CLCN4: variants seen among roughly 807,000 people sequenced by gnomAD.
CLCN4 encodes H(+)/Cl(-) exchange transporter 4.
CLCN4 carries 1 observed loss-of-function variant against 41.7 expected under a neutral mutation model. That is an observed-to-expected ratio of 0.02 (90% CI 0.01 to 0.11). The LOEUF (loss-of-function observed/expected upper bound fraction) is 0.11. Among genes scored for constraint, CLCN4 ranks in the 10% least tolerant of loss-of-function variants. CLCN4 has a pLI of 1.00. For missense variants in CLCN4, 287 were observed against 661.0 expected (o/e 0.43, Z 6.20); for synonymous variants, 277 against 285.8 (o/e 0.97, Z 0.31).
intron 12 of CLCN4, among the ~76,000 whole-genome samples, chrX:10,230,863 A>G (rs1047054679): frequency 4.5e-5 from 5 of 112,024 alleles, no homozygotes; most frequent in Non-Finnish European, 7.5e-5. Context: ...ACTAACATCC[A>G]TAGTTTACTT....
chrX:10,167,750 C>A (rs764088279), intron 2 of CLCN4, among the ~76,000 whole-genome samples: 1 of 113,011 alleles, frequency 8.8e-6, no homozygotes, highest in Admixed American at 9.3e-5. Flanking sequence ...CTGACCACAA[C>A]CTCCTGAGAG....
Position 10,193,330 on chromosome X carries a change from A to G in CLCN4, c.245-1581A>G, listed in dbSNP as rs995578073. On this transcript the variant is annotated intron_variant, in intron 4 of 12. Coordinates refer to ENST00000380833, the MANE Select transcript of CLCN4 (RefSeq NM_001830.4). Reference sequence around the variant, plus strand: ...GTGGGCTCTATGTGCTTGGAAAAGCATAGCTTGAGATGTACATTTATACCT... The same window carrying G: ...GTGGGCTCTATGTGCTTGGAAAAGCGTAGCTTGAGATGTACATTTATACCT... Among the ~76,000 whole-genome samples the G allele has an allele frequency of 3.6e-5, 4 of 112,583 alleles. No individual in the cohort carries two copies. The Admixed American group carries it at 3.8e-4, about 11-fold the overall frequency.
At chrX:10,229,903 T>C (rs1925084594) in intron 12 of CLCN4, among the ~76,000 whole-genome samples, 1 of 112,286 alleles carries the variant, frequency 8.9e-6, no homozygotes, top group East Asian at 2.8e-4. Flanking sequence ...CCTTTGGGTA[T>C]GGAACACATG....
intron 4 of CLCN4, 128 bp from the exon 5 acceptor site, chrX:10,194,783 C>A: frequency 1.7e-6 from 1 of 595,505 alleles, no homozygotes; most frequent in Non-Finnish European, 2.7e-6. Flanking sequence ...AGCCCCATTG[C>A]AAGTTTATTG....
intron 2 of CLCN4, among the ~76,000 whole-genome samples, chrX:10,163,625 C>T (rs1313186831): frequency 3.6e-5 from 4 of 111,148 alleles, no homozygotes; most frequent in African/African-American, 9.8e-5. Context: ...AGGCTGGTCT[C>T]GAACTCCTGA....
At chrX:10,161,600 G>A (rs1220476228) in intron 2 of CLCN4, among the ~76,000 whole-genome samples, 2 of 111,559 alleles carry the variant, frequency 1.8e-5, no homozygotes, top group Non-Finnish European at 3.8e-5. Context: ...CTGGCTATTA[G>A]GTGACACTAG....
rs771176686 is a variant in CLCN4 at position 10,194,816 on chromosome X, C to G, written c.245-95C>G. 2.3e-5 allele frequency: 19 copies of G among 828,827 alleles called. No homozygotes were observed. In the African/African-American group the frequency reaches 3.6e-4, roughly 16 times the overall value. The allele number at this position is 828,827 out of a possible 1,213,427, so 68.3% of individuals were successfully genotyped here. A position where few individuals can be genotyped will look rare whatever the true frequency, so the allele number is the denominator to read the frequency against. On this transcript the variant is annotated intron_variant, in intron 4 of 12. Coordinates refer to ENST00000380833, the MANE Select transcript of CLCN4 (RefSeq NM_001830.4). ...TTGCCTGCTCTGGAATCTGGGCCATCATTGCTGATGTGCCCCTGTCTGGCC... is the reference window on the plus strand; with the variant it reads ...TTGCCTGCTCTGGAATCTGGGCCATGATTGCTGATGTGCCCCTGTCTGGCC...
intron 12 of CLCN4, among the ~76,000 whole-genome samples, chrX:10,230,858 C>T (rs1569235354): frequency 8.9e-6 from 1 of 111,974 alleles, no homozygotes; most frequent in East Asian, 2.8e-4. Flanking sequence ...TATTAACTAA[C>T]ATCCATAGTT....
chrX:10,162,013 C>CT (rs34007951), intron 2 of CLCN4, among the ~76,000 whole-genome samples: 946 of 61,508 alleles, frequency 0.015, 22 homozygotes, highest in African/African-American at 0.027. Context: ...CCAGTTGAGT[C>CT]TTTTTTTTTT....
chrX:10,227,544 C>T (rs1374121716), intron 12 of CLCN4, among the ~76,000 whole-genome samples: 2 of 111,766 alleles, frequency 1.8e-5, no homozygotes, highest in African/African-American at 6.5e-5. Context: ...GTACAATTCA[C>T]CCATTTAAAA....
intron 2 of CLCN4, among the ~76,000 whole-genome samples, chrX:10,182,076 A>G: frequency 1.8e-5 from 2 of 111,169 alleles, no homozygotes; most frequent in South Asian, 7.6e-4. Flanking sequence ...TGTAGGAGAG[A>G]TGTTCTCTTG....
In CLCN4 at chrX:10,217,899, G is replaced by C. The variant is rs747649904; in HGVS notation, c.1976-2762G>C. ...ATGGGACTACAGGCGCATGCCACCA[G>C]GCGTGGCTAATTTTTGTATTTTTAG... On this transcript the variant is annotated intron_variant, in intron 11 of 12. Transcript: ENST00000380833. Among the ~76,000 whole-genome samples the C allele has an allele frequency of 1.4e-4, 15 of 110,720 alleles. No homozygotes were observed. In the East Asian group the frequency reaches 4.3e-3, roughly 31 times the overall value.
chrX:10,232,891 ATG>A (rs1925160097), intron 12 of CLCN4, among the ~76,000 whole-genome samples: 2 of 111,523 alleles, frequency 1.8e-5, no homozygotes, highest in Non-Finnish European at 3.8e-5. Flanking sequence ...TCAGAGATAA[ATG>A]TCAACTTTAT....
At chrX:10,221,294 G>A (rs1349906027) in intron 12 of CLCN4, among the ~76,000 whole-genome samples, 2 of 111,483 alleles carry the variant, frequency 1.8e-5, no homozygotes, top group African/African-American at 6.5e-5. Flanking sequence ...GGAAAAATGG[G>A]GTTAGGTACA....
rs907577168 is a variant in CLCN4 at position 10,208,175 on chromosome X, C to T, written c.974C>T (p.Thr325Met). 3 of 1,211,392 alleles carry T rather than the reference C, an allele frequency of 2.5e-6. No individual in the cohort carries two copies. Among genetic ancestry groups the T allele is most frequent in the Non-Finnish European group, 3.4e-6 (3 of 895,372 alleles). Reference sequence around the variant, plus strand: ...GTTCTCTTTTATGTGGAATACCACACGCCCTGGTACATGGCTGAACTCTTC... The same window carrying T: ...GTTCTCTTTTATGTGGAATACCACATGCCCTGGTACATGGCTGAACTCTTC... ...RLVLFYVEYH[T>M]PWYMAELFPF... Residue 325 changes from threonine (T) to methionine (M), a missense_variant, in exon 9 of 13, where the codon ACG (threonine) becomes ATG (methionine). By Grantham distance (81) the Thr-to-Met change is moderately conservative. This residue lies in a region of CLCN4 where 94 missense variants were observed against 177.9 expected (regional missense o/e 0.53). Transcript: ENST00000380833.
At chrX:10,191,597 C>T (rs1048816024) in intron 4 of CLCN4, among the ~76,000 whole-genome samples, 2 of 109,990 alleles carry the variant, frequency 1.8e-5, no homozygotes, top group Non-Finnish European at 3.8e-5. Flanking sequence ...GGTTCTGGCG[C>T]GATCATGGTT....
Position 10,197,484 on chromosome X carries a change from G to A in CLCN4, c.433-455G>A, listed in dbSNP as rs745600411. ...CAGCAGTATTCTAAAATACAGGCCC[G>A]ACCCGTATTCATTGGCAGTGCGGGT... On this transcript the variant is annotated intron_variant, in intron 5 of 12. Coordinates refer to ENST00000380833, the MANE Select transcript of CLCN4 (RefSeq NM_001830.4). Among the ~76,000 whole-genome samples the A allele has an allele frequency of 3.6e-5, 4 of 111,099 alleles. No homozygotes were observed. In the East Asian group the frequency reaches 8.5e-4, roughly 24 times the overall value.
chrX:10,223,924 C>T (rs1039051922), intron 12 of CLCN4, among the ~76,000 whole-genome samples: 1 of 111,641 alleles, frequency 9.0e-6, no homozygotes, highest in Non-Finnish European at 1.9e-5. Flanking sequence ...ATTTATAATT[C>T]GCTGAATTCG....
intron 2 of CLCN4, among the ~76,000 whole-genome samples, chrX:10,165,711 C>T (rs765728907): frequency 1.8e-5 from 2 of 112,111 alleles, no homozygotes; most frequent in South Asian, 7.5e-4. Context: ...AGTTCTTTTT[C>T]GCCCTCCACT....
Sources: allele counts gnomAD v4.1 joint callset (sites outside exome capture counted in the v4.1 genomes callset), GRCh38; gene constraint gnomAD v4.1.1; regional missense constraint gnomAD v4.1.1; transcripts MANE v1.5; gene names NCBI Gene and HGNC (gene_info 2026-07-23, HGNC 2026-07-21).